The following MINDY4 variants were observed in gnomAD, a reference collection of about 807,000 sequenced individuals.
The protein encoded by MINDY4 is MINDY lysine 48 deubiquitinase 4.
Under a neutral mutation model 87.0 loss-of-function variants are expected in MINDY4, and 68 were observed. The ratio of observed to expected loss-of-function variants is 0.78; its 90% CI spans 0.64 to 0.96. The LOEUF is 0.96. Ranked by LOEUF, MINDY4 falls within the 40% of genes least tolerant of loss-of-function variation. MINDY4 has a pLI of 0.00. For missense variants in MINDY4, 919 were observed against 928.2 expected (o/e 0.99, Z 0.13); for synonymous variants, 379 against 363.2 (o/e 1.04, Z -0.50).
At chr7:30,796,029 C>A (rs1014379646) in intron 5 of MINDY4, among the ~76,000 whole-genome samples, 7 of 152,102 alleles carry the variant, frequency 4.6e-5, no homozygotes. Flanking sequence ...CGAACACATT[C>A]AGGGGGTCTG....
intron 13 of MINDY4, 34 bp from the exon 14 acceptor site, chr7:30,872,209 G>T: frequency 2.5e-6 from 4 of 1,612,078 alleles, no homozygotes; most frequent in South Asian, 1.1e-5. Context: ...GGGTCAGGCA[G>T]AGCTGTGCTA....
chr7:30,781,723 G>C, intron 2 of MINDY4: 1 of 459,468 alleles, frequency 2.2e-6, no homozygotes, highest in Non-Finnish European at 3.8e-6. Context: ...TTTTATTCTA[G>C]TTGTTTATTG....
At chr7:30,822,696 A>G (rs1788378269) in intron 5 of MINDY4, among the ~76,000 whole-genome samples, 1 of 150,558 alleles carries the variant, frequency 6.6e-6, no homozygotes, top group Non-Finnish European at 1.5e-5. Context: ...GTGCAGTGGC[A>G]TGACCACAGC....
chr7:30,834,924 ATAC>A (rs1204000297), intron 6 of MINDY4, among the ~76,000 whole-genome samples: 1 of 152,186 alleles, frequency 6.6e-6, no homozygotes. Flanking sequence ...CTTATTGTTC[ATAC>A]TACTATCCGC....
intron 17 of MINDY4, among the ~76,000 whole-genome samples, chr7:30,883,607 T>TG (rs1001186444): frequency 1.3e-5 from 2 of 152,230 alleles, no homozygotes; most frequent in African/African-American, 4.8e-5. Flanking sequence ...TGGGGTGAGT[T>TG]GGGGCTCACC....
At position 30,850,523 on chromosome 7, in the gene MINDY4, G is replaced by C. The variant is rs1273334594; in HGVS notation, c.1515G>C (p.Arg505=). The part of the protein sequence containing the change: ...LVLALADIVW[R]AGGRERAVVA... ...TGGCCCTCGCAGACATTGTGTGGCGGGCAGGGGGCCGAGAGAGAGCCGTTG... is the reference window on the plus strand; with the variant it reads ...TGGCCCTCGCAGACATTGTGTGGCGCGCAGGGGGCCGAGAGAGAGCCGTTG... The change falls in exon 10 of 18, where the codon CGG becomes CGC. Residue 505 remains arginine, a synonymous_variant. Transcript: ENST00000265299. 1.2e-6 allele frequency: 2 copies of C among 1,609,990 alleles called. No individual in the cohort carries two copies. The highest frequency in any genetic ancestry group is 1.7e-6 in the Non-Finnish European group (2 of 1,178,320).
At chr7:30,831,170 T>C (rs138319795) in intron 6 of MINDY4, among the ~76,000 whole-genome samples, 1 of 152,260 alleles carries the variant, frequency 6.6e-6, no homozygotes, top group East Asian at 1.9e-4. Context: ...ACCTGGGAAA[T>C]CCAATGGGTA....
intron 5 of MINDY4, among the ~76,000 whole-genome samples, chr7:30,809,785 AAAAAAAAAGGGGG>A (rs1480787425): frequency 6.7e-6 from 1 of 148,922 alleles, no homozygotes; most frequent in East Asian, 2.0e-4. Context: ...TCATCTTCGA[AAAAAAAAAGGGGG>A]AAAAAAAAGG....
chr7:30,783,131 G>A (rs868424714), intron 3 of MINDY4, among the ~76,000 whole-genome samples: 1 of 152,196 alleles, frequency 6.6e-6, no homozygotes, highest in African/African-American at 2.4e-5. Context: ...AAGGCAAGGT[G>A]TTAGCAGGCC....
chr7:30,872,857 G>C (rs1790146350), intron 14 of MINDY4, among the ~76,000 whole-genome samples: 1 of 152,242 alleles, frequency 6.6e-6, no homozygotes, highest in Admixed American at 6.5e-5. Flanking sequence ...TTTTCAAGAT[G>C]TTACCTAGTG....
rs148761655 is a variant in MINDY4 at position 30,795,741 on chromosome 7, C to G, written c.1073+4167C>G. ...GCAGGCTGCATTCCTTCTGGAGCCT[C>G]TAGGGGAGAATCTGTTTCTTTGCCT... On this transcript the variant is annotated intron_variant, in intron 5 of 17. Coordinates refer to ENST00000265299, the MANE Select transcript of MINDY4 (RefSeq NM_032222.3). Among the ~76,000 whole-genome samples, 252 of 152,296 alleles carry G rather than the reference C, an allele frequency of 1.7e-3. 3 individuals carry two copies. The highest frequency in any genetic ancestry group is 5.7e-3 in the African/African-American group (238 of 41,568).
rs185974904 is a variant in MINDY4 at position 30,785,977 on chromosome 7, C to T, written c.648C>T (p.Ile216=). 2.7e-5 allele frequency: 44 copies of T among 1,614,118 alleles called. No individual in the cohort carries two copies. In the East Asian group the frequency reaches 7.6e-4, roughly 28 times the overall value. The change falls in exon 4 of 18, where the codon ATC becomes ATT. Residue 216 remains isoleucine (I), a synonymous_variant. Transcript: ENST00000265299. ...TGCGAGGCATGATGTCTGGGCCCAT[C>T]GCCAGCTCCCCACAGGTGGGGCTGT... ...LIVRGMMSGP[I]ASSPQDSFHR...
chr7:30,885,451 G>T (rs565453086), intron 17 of MINDY4, among the ~76,000 whole-genome samples: 48 of 152,302 alleles, frequency 3.2e-4, no homozygotes, highest in Non-Finnish European at 5.7e-4. Context: ...GGCGAAGATT[G>T]CAGTGAGCTG....
intron 5 of MINDY4, 56 bp downstream of exon 5, chr7:30,791,630 T>C: frequency 1.3e-6 from 2 of 1,531,246 alleles, no homozygotes; most frequent in Non-Finnish European, 1.8e-6. Context: ...ACCTCTCACA[T>C]GTTGTCTAGT....
intron 9 of MINDY4, among the ~76,000 whole-genome samples, chr7:30,849,320 T>G (rs1789323843): frequency 6.6e-6 from 1 of 152,204 alleles, no homozygotes; most frequent in Admixed American, 6.5e-5. Flanking sequence ...AGCAGAGTCT[T>G]CATCAAGTCC....
intron 7 of MINDY4, among the ~76,000 whole-genome samples, chr7:30,838,999 A>G (rs1415066444): frequency 6.6e-6 from 1 of 152,210 alleles, no homozygotes; most frequent in African/African-American, 2.4e-5. Context: ...TTCCAGAGGT[A>G]AGACCCTCAT....
intron 1 of MINDY4, among the ~76,000 whole-genome samples, chr7:30,774,421 T>A (rs563637026): frequency 6.8e-4 from 103 of 152,246 alleles, no homozygotes; most frequent in Middle Eastern, 6.8e-3. Context: ...TGCATTTCCC[T>A]CCTCTACTAG....
At chr7:30,847,416 C>T (rs1789254731) in intron 9 of MINDY4, among the ~76,000 whole-genome samples, 1 of 152,184 alleles carries the variant, frequency 6.6e-6, no homozygotes, top group Non-Finnish European at 1.5e-5. Context: ...GATTGTGTTA[C>T]ATGGTGCTGA....
intron 17 of MINDY4, among the ~76,000 whole-genome samples, chr7:30,888,670 C>T (rs1035792178): frequency 7.2e-5 from 11 of 152,352 alleles, no homozygotes; most frequent in Admixed American, 6.5e-4. Context: ...GATTCGTCCC[C>T]TACACTAGCA....
Sources: gnomAD v4.1 joint callset for allele counts (sites outside exome capture counted in the v4.1 genomes callset) on GRCh38, gnomAD v4.1.1 for gene constraint, MANE v1.5 for transcripts, NCBI Gene and HGNC (gene_info 2026-07-23, HGNC 2026-07-21) for gene names.